MRPS18A: variants seen among roughly 807,000 people sequenced by gnomAD.
MRPS18A encodes the protein large ribosomal subunit protein mL66.
MRPS18A carries 20 observed loss-of-function variants against 22.7 expected under a neutral mutation model. That is an observed-to-expected ratio of 0.88 (90% CI 0.62 to 1.28). The LOEUF (loss-of-function observed/expected upper bound fraction) is 1.28. MRPS18A is among the 50% of genes most tolerant of loss of function. The probability of loss-of-function intolerance (pLI) is 0.00; values close to 1 mark genes in which losing one functional copy is unlikely to be tolerated. For synonymous variants in MRPS18A, 106 were observed against 99.1 expected (o/e 1.07, Z -0.41); for missense variants, 294 against 262.6 (o/e 1.12, Z -0.83).
intron 1 of MRPS18A, among the ~76,000 whole-genome samples, chr6:43,682,182 C>T (rs902314943): frequency 6.6e-6 from 1 of 152,156 alleles, no homozygotes; most frequent in African/African-American, 2.4e-5. Context: ...ACTTGTAATC[C>T]CAGCTACTTG....
intron 4 of MRPS18A, 22 bp from the exon 5 acceptor site, chr6:43,675,293 A>T: frequency 2.0e-6 from 3 of 1,537,940 alleles, no homozygotes; most frequent in Non-Finnish European, 2.6e-6. Context: ...GGAAGAGGGG[A>T]TAGTCTTTGC....
At chr6:43,678,892 G>T (rs1039690531) in intron 2 of MRPS18A, among the ~76,000 whole-genome samples, 1 of 152,152 alleles carries the variant, frequency 6.6e-6, no homozygotes, top group African/African-American at 2.4e-5. Flanking sequence ...TGTCAAGAGG[G>T]AGAGAGGGGT....
chr6:43,672,127 T>C (rs564033195), intron 5 of MRPS18A: 9 of 605,226 alleles, frequency 1.5e-5, no homozygotes, highest in African/African-American at 1.3e-4. Context: ...GTGGCCAGGT[T>C]CAGGCAGCCC....
At position 43,671,855 on chromosome 6, in the gene MRPS18A, G is replaced by A; in HGVS notation, c.498C>T (p.Gly166=). 6.2e-7 allele frequency: 1 copy of A among 1,613,912 alleles called. No homozygotes were observed. Residue 166 remains glycine (G), a synonymous_variant, in exon 6 of 6, where the codon GGC becomes GGT. Coordinates refer to ENST00000372133, the MANE Select transcript of MRPS18A (RefSeq NM_018135.4). The part of the protein sequence containing the change: ...PGSVKPIYKK[G]PRWNRVRMPV... ...GCATGCGCACCCTGTTCCAGCGGGG[G>A]CCTTTTTTGTAGATGGGCTTGACGG...
intron 2 of MRPS18A, among the ~76,000 whole-genome samples, chr6:43,679,580 C>T (rs886890980): frequency 6.6e-6 from 1 of 152,114 alleles, no homozygotes; most frequent in African/African-American, 2.4e-5. Context: ...GAATTAGCTC[C>T]AATTGCAAGA....
intron 2 of MRPS18A, among the ~76,000 whole-genome samples, chr6:43,679,335 C>T (rs1385947247): frequency 6.6e-6 from 1 of 152,194 alleles, no homozygotes; most frequent in African/African-American, 2.4e-5. Flanking sequence ...TGAAAAAACC[C>T]GGGCTGTGCC....
At chr6:43,678,414 T>C in intron 3 of MRPS18A, 104 bp downstream of exon 3, 2 of 848,306 alleles carry the variant, frequency 2.4e-6, no homozygotes, top group Non-Finnish European at 4.0e-6. Flanking sequence ...GGTGGTTCCA[T>C]GAAATGCAGC....
At chr6:43,676,322 C>G (rs141923418) in intron 3 of MRPS18A, among the ~76,000 whole-genome samples, 6 of 152,296 alleles carry the variant, frequency 3.9e-5, no homozygotes, top group Middle Eastern at 3.4e-3. Context: ...ACATTTTAGA[C>G]CTCAAAGTCT....
In MRPS18A at chr6:43,678,508, C is replaced by G; in HGVS notation, c.252+10G>C. ...CACACAGAACCGAGTGTCTCTGTAC[C>G]CAGACTCACGTCATAGTTATACTTG... On this transcript the variant is annotated intron_variant, in intron 3 of 5. Coordinates refer to ENST00000372133, the MANE Select transcript of MRPS18A (RefSeq NM_018135.4). 6.3e-7 allele frequency: 1 copy of G among 1,592,812 alleles called. No individual in the cohort carries two copies. Among genetic ancestry groups the G allele is most frequent in the Non-Finnish European group, 8.6e-7 (1 of 1,160,928 alleles).
chr6:43,685,070 G>A (rs1169413379), intron 1 of MRPS18A, among the ~76,000 whole-genome samples: 1 of 152,138 alleles, frequency 6.6e-6, no homozygotes, highest in East Asian at 1.9e-4. Context: ...GTTACTGGTG[G>A]AGAGGGAAGA....
rs111646060 is a variant in MRPS18A at position 43,673,799 on chromosome 6, TC to T, written c.446+1402del. Among the ~76,000 whole-genome samples, 5 of 152,334 alleles carry T rather than the reference TC, an allele frequency of 3.3e-5. No individual in the cohort carries two copies. Among genetic ancestry groups the T allele is most frequent in the African/African-American group, 1.2e-4 (5 of 41,578 alleles). ...TCCCCTGCAAGGGAATCCATTTCCT[TC>T]GTAGCCTGAACTCCCCCTCCCGCTC... On this transcript the variant is annotated intron_variant, in intron 5 of 5. Coordinates refer to ENST00000372133, the MANE Select transcript of MRPS18A (RefSeq NM_018135.4). This position sits in a 1 kb window ranked among gnomAD's most constrained non-coding sequence, Gnocchi z 4.2.
At chr6:43,687,584 G>A in intron 1 of MRPS18A, 84 bp downstream of exon 1, 1 of 1,218,638 alleles carries the variant, frequency 8.2e-7, no homozygotes, top group South Asian at 1.3e-5. Flanking sequence ...CGAAGGAAAG[G>A]TAGGAAGGAG....
chr6:43,675,567 G>A lies in MRPS18A; in HGVS notation c.303C>T (p.Pro101=). ...QFIRPHGGML[P]RKITGLCQEE... ...CCTGGCATAGGCCTGTGATCTTTCG[G>A]GGCAGCATGCCTCCATGAGGCCGGA... The change falls in exon 4 of 6, where the codon CCC becomes CCT. Residue 101 remains proline (P), a synonymous_variant. Transcript: ENST00000372133. 1 of 1,613,958 alleles carries A rather than the reference G, an allele frequency of 6.2e-7. No homozygotes were observed. The highest frequency in any genetic ancestry group is 8.5e-7 in the Non-Finnish European group (1 of 1,179,982).
In MRPS18A at chr6:43,675,211, T is replaced by C; in HGVS notation, c.437A>G (p.Gln146Arg). 6.6e-7 allele frequency: 1 copy of C among 1,517,010 alleles called. No individual in the cohort carries two copies. The highest frequency in any genetic ancestry group is 8.8e-7 in the Non-Finnish European group (1 of 1,133,710). 94.0% of individuals were successfully genotyped at this position (1,517,010 alleles called of 1,614,324 possible). Residue 146 changes from glutamine to arginine, a missense_variant, in exon 5 of 6, where the codon CAA (glutamine) becomes CGA (arginine). Gln to Arg is a conservative substitution (Grantham distance 43). Transcript: ENST00000372133. ...PEGVVPKSKP[Q>R]LNRYLTRWAP... is the part of the protein sequence containing the mutation. ...ACCCAGGCTTGCTTACCGGTTGAGT[T>C]GGGGTTTGCTCTTCGGAACAACTCC...
Position 43,675,188 on chromosome 6 carries a change from C to A in MRPS18A, c.446+14G>T, listed in dbSNP as rs968291037. On this transcript the variant is annotated intron_variant, in intron 5 of 5. Coordinates refer to ENST00000372133, the MANE Select transcript of MRPS18A (RefSeq NM_018135.4). ...CGCAGAACGCTCAGGTTGTTCACAC[C>A]CAGGCTTGCTTACCGGTTGAGTTGG... 1 of 1,510,514 alleles carries A rather than the reference C, an allele frequency of 6.6e-7. No homozygotes were observed. The highest frequency in any genetic ancestry group is 8.8e-7 in the Non-Finnish European group (1 of 1,130,426). The allele number at this position is 1,510,514 out of a possible 1,614,324, so 93.6% of individuals were successfully genotyped here. A position where few individuals can be genotyped will look rare whatever the true frequency, so the allele number is the denominator to read the frequency against.
At chr6:43,676,412 G>A (rs1048435711) in intron 3 of MRPS18A, among the ~76,000 whole-genome samples, 2 of 152,152 alleles carry the variant, frequency 1.3e-5, no homozygotes, top group African/African-American at 4.8e-5. Context: ...AGGCATAAAA[G>A]CCAAGGAGGA....
In MRPS18A at chr6:43,671,923, AAG is replaced by A. The variant is rs1424458801; in HGVS notation, c.447-19_447-18del. On this transcript the variant is annotated intron_variant, in intron 5 of 5. Transcript: ENST00000372133. ...GTCAGGTACCTGTGGAGGGAGAACAAAGAGGTGCCTGTGAGGGCTGGGGGCCC... is the reference window on the plus strand; with the variant it reads ...GTCAGGTACCTGTGGAGGGAGAACAAAGGTGCCTGTGAGGGCTGGGGGCCC... 1 of 1,583,786 alleles carries A rather than the reference AAG, an allele frequency of 6.3e-7. No homozygotes were observed. The highest frequency in any genetic ancestry group is 1.1e-5 in the South Asian group (1 of 87,054).
intron 1 of MRPS18A, among the ~76,000 whole-genome samples, chr6:43,685,897 T>G (rs768651468): frequency 6.6e-6 from 1 of 152,230 alleles, no homozygotes; most frequent in Non-Finnish European, 1.5e-5. Flanking sequence ...TGCCTTCATG[T>G]AGAATCATAT....
chr6:43,671,280 C>T lies in MRPS18A; in HGVS notation c.*482G>A. On this transcript the variant is annotated 3_prime_UTR_variant, in exon 6 of 6. Coordinates refer to ENST00000372133, the MANE Select transcript of MRPS18A (RefSeq NM_018135.4). The stretch of plus-strand genomic sequence containing the variant: ...GCCCACCTTGGCTCCCTGCAGCTCT[C>T]CCACAGTAAGGAGCTCACAGCTGTC... 1 of 482,916 alleles carries T rather than the reference C, an allele frequency of 2.1e-6. No homozygotes were observed. Among genetic ancestry groups the T allele is most frequent in the Non-Finnish European group, 3.8e-6 (1 of 265,754 alleles). 29.9% of individuals were successfully genotyped at this position (482,916 alleles called of 1,614,324 possible).
Sources: gnomAD v4.1 joint callset for allele counts (sites outside exome capture counted in the v4.1 genomes callset) on GRCh38, gnomAD v4.1.1 for gene constraint, Gnocchi (gnomAD v3.1) non-coding constraint, MANE v1.5 for transcripts, NCBI Gene and HGNC (gene_info 2026-07-23, HGNC 2026-07-21) for gene names.